Variants in SLC44A5 observed in about 807,000 individuals in gnomAD.
SLC44A5 encodes the protein solute carrier family 44 member 5, also known as choline transporter-like protein 5.
A neutral mutation model predicts 101.8 loss-of-function variants in SLC44A5; 57 were observed. That is an observed-to-expected ratio of 0.56 (90% CI 0.45 to 0.70). The LOEUF (loss-of-function observed/expected upper bound fraction) is 0.70. SLC44A5 is among the 30% of genes least tolerant of loss of function. The pLI is 0.00. For missense variants in SLC44A5, 737 were observed against 853.1 expected (o/e 0.86, Z 1.70); for synonymous variants, 281 against 290.9 (o/e 0.97, Z 0.35).
At chr1:75,633,627 C>T in the SLC44A5 span, among the ~76,000 whole-genome samples, 2 of 152,008 alleles carry the variant, frequency 1.3e-5, no homozygotes, top group African/African-American at 4.8e-5. Flanking sequence ...TGGGCTGAGA[C>T]AATGGGGTTT....
the SLC44A5 span, among the ~76,000 whole-genome samples, chr1:75,682,600 C>T: frequency 2.5e-3 from 380 of 151,824 alleles, 2 homozygotes; most frequent in Non-Finnish European, 3.8e-3. Context: ...ATACAAAAAT[C>T]AATTCAAGAT....
chr1:75,263,072 C>T (rs2100698169), intron 6 of SLC44A5, among the ~76,000 whole-genome samples: 1 of 152,240 alleles, frequency 6.6e-6, no homozygotes, highest in African/African-American at 2.4e-5. Flanking sequence ...TAGGCATAGG[C>T]AAGGACTTCA....
the SLC44A5 span, among the ~76,000 whole-genome samples, chr1:75,703,663 A>T: frequency 2.4e-4 from 6 of 25,174 alleles, no homozygotes; most frequent in African/African-American, 8.0e-4. Flanking sequence ...AAGTATAATA[A>T]AAAAAAAAAA....
At chr1:75,504,723 G>A (rs532866368) in intron 2 of SLC44A5, among the ~76,000 whole-genome samples, 1 of 152,246 alleles carries the variant, frequency 6.6e-6, no homozygotes, top group East Asian at 1.9e-4. Flanking sequence ...TGTCATTAAA[G>A]TTCTAAATTA....
intron 7 of SLC44A5, among the ~76,000 whole-genome samples, chr1:75,243,859 G>A (rs1648877051): frequency 1.3e-5 from 2 of 152,002 alleles, no homozygotes; most frequent in South Asian, 4.1e-4. Context: ...CTGTTAATGG[G>A]GTGTTCATGA....
the SLC44A5 span, among the ~76,000 whole-genome samples, chr1:75,699,978 C>A: frequency 6.6e-6 from 1 of 151,932 alleles, no homozygotes; most frequent in Non-Finnish European, 1.5e-5. Context: ...TATATGCACC[C>A]AATACAGGAG....
intron 3 of SLC44A5, among the ~76,000 whole-genome samples, chr1:75,351,868 A>AAAAAAAAAAAAAAAAAG (rs1553165361): frequency 1.7e-5 from 1 of 58,472 alleles, no homozygotes; most frequent in Non-Finnish European, 3.7e-5. Context: ...AAAAAAAAAA[A>AAAAAAAAAAAAAAAAAG]AGAGAGAGAG....
chr1:75,695,475 GACC>G, the SLC44A5 span, among the ~76,000 whole-genome samples: 2 of 151,894 alleles, frequency 1.3e-5, no homozygotes, highest in African/African-American at 2.4e-5. Flanking sequence ...TTTACAAAAT[GACC>G]ACGTTTGACT....
intron 2 of SLC44A5, among the ~76,000 whole-genome samples, chr1:75,411,200 C>T (rs1022741771): frequency 5.9e-5 from 9 of 152,082 alleles, no homozygotes; most frequent in Non-Finnish European, 1.2e-4. Context: ...ATTCCCTACT[C>T]ATTTCAATGT....
At chr1:75,622,932 AC>A in the SLC44A5 span, among the ~76,000 whole-genome samples, 2 of 152,152 alleles carry the variant, frequency 1.3e-5, no homozygotes, top group Non-Finnish European at 2.9e-5. Flanking sequence ...CAAATGGCAT[AC>A]CAATTAACTA....
intron 2 of SLC44A5, among the ~76,000 whole-genome samples, chr1:75,527,829 C>A (rs903703208): frequency 2.6e-5 from 4 of 152,146 alleles, no homozygotes; most frequent in African/African-American, 4.8e-5. Context: ...TGTTCACTGA[C>A]CTTTTGTATC....
At chr1:75,515,511 A>G (rs766680741) in intron 2 of SLC44A5, among the ~76,000 whole-genome samples, 1 of 152,200 alleles carries the variant, frequency 6.6e-6, no homozygotes, top group Non-Finnish European at 1.5e-5. Flanking sequence ...TTCCACATGT[A>G]GGTAAGAATG....
intron 1 of SLC44A5, among the ~76,000 whole-genome samples, chr1:75,592,490 AC>A (rs1486111913): frequency 6.6e-6 from 1 of 152,164 alleles, no homozygotes; most frequent in Non-Finnish European, 1.5e-5. Flanking sequence ...AATAGAAAAA[AC>A]AATCCTAAAA....
the SLC44A5 span, among the ~76,000 whole-genome samples, chr1:75,637,150 C>G: frequency 6.6e-6 from 1 of 151,946 alleles, no homozygotes; most frequent in East Asian, 1.9e-4. Flanking sequence ...GCCAGCAACT[C>G]CATTCCTCAG....
chr1:75,545,567 C>A (rs1439449830), intron 1 of SLC44A5, among the ~76,000 whole-genome samples: 2 of 152,172 alleles, frequency 1.3e-5, no homozygotes, highest in African/African-American at 4.8e-5. Flanking sequence ...CTCAATTTAT[C>A]TCATCATTGG....
chr1:75,688,608 A>G, the SLC44A5 span, among the ~76,000 whole-genome samples: 14 of 152,192 alleles, frequency 9.2e-5, no homozygotes, highest in Non-Finnish European at 1.9e-4. Context: ...CTTGACCTCA[A>G]AAGCCCTCCC....
At chr1:75,462,337 AC>A (rs1666551523) in intron 2 of SLC44A5, among the ~76,000 whole-genome samples, 1 of 152,168 alleles carries the variant, frequency 6.6e-6, no homozygotes, top group African/African-American at 2.4e-5. Flanking sequence ...GACTTTGGGT[AC>A]CCCCTAAAAC....
At chr1:75,579,691 T>C (rs180890066) in intron 1 of SLC44A5, among the ~76,000 whole-genome samples, 1 of 152,246 alleles carries the variant, frequency 6.6e-6, no homozygotes, top group East Asian at 1.9e-4. Context: ...TGTTTTTGAA[T>C]TGATAATGAA....
chr1:75,623,447 C>T, the SLC44A5 span, among the ~76,000 whole-genome samples: 1 of 152,014 alleles, frequency 6.6e-6, no homozygotes, highest in African/African-American at 2.4e-5. Flanking sequence ...CCAAACTGAC[C>T]AAGCATCCCA....
Sources: gnomAD v4.1 joint callset for allele counts (sites outside exome capture counted in the v4.1 genomes callset) on GRCh38, gnomAD v4.1.1 for gene constraint, MANE v1.5 for transcripts, NCBI Gene and HGNC (gene_info 2026-07-23, HGNC 2026-07-21) for gene names.